The following AKAP13 variants were observed in gnomAD, a reference collection of about 807,000 sequenced individuals.
AKAP13 encodes A-kinase anchoring protein 13, also known as A-kinase anchor protein 13.
Under a neutral mutation model 264.5 loss-of-function variants are expected in AKAP13, and 80 were observed. The observed-to-expected ratio is 0.30, with a 90% confidence interval of 0.25 to 0.36. The LOEUF is 0.36. Among genes scored for constraint, AKAP13 ranks in the 10% least tolerant of loss-of-function variants. The probability of loss-of-function intolerance (pLI) is 1.00; values close to 1 mark genes in which losing one functional copy is unlikely to be tolerated. For missense variants in AKAP13, 3,712 were observed against 3,435.2 expected, an observed-to-expected ratio of 1.08 and a Z score of -2.01; for synonymous variants, 1,380 against 1,250.2, an observed-to-expected ratio of 1.10 and a Z score of -2.19.
At chr15:85,447,855 A>G (rs1301643426) in intron 1 of AKAP13, among the ~76,000 whole-genome samples, 1 of 152,208 alleles carries the variant, frequency 6.6e-6, no homozygotes, top group African/African-American at 2.4e-5. Context: ...TCTTTATGGT[A>G]GAATGATTTA....
chr15:85,553,718 T>A (rs2078042947), intron 5 of AKAP13, among the ~76,000 whole-genome samples: 1 of 152,186 alleles, frequency 6.6e-6, no homozygotes, highest in Non-Finnish European at 1.5e-5. Flanking sequence ...CTGGTACTGG[T>A]CCATGGACTG....
intron 1 of AKAP13, among the ~76,000 whole-genome samples, chr15:85,438,461 A>G (rs2073437240): frequency 6.6e-6 from 1 of 151,280 alleles, no homozygotes; most frequent in Non-Finnish European, 1.5e-5. Flanking sequence ...GAATTGGAAA[A>G]AACTACTTTA....
rs1455429872 is a variant in AKAP13, at chr15:85,719,130, T to C, written c.6056T>C (p.Val2019Ala). The change falls in exon 23 of 37, where the codon GTG becomes GCG. Residue 2019 changes from valine to alanine, a missense_variant. Coordinates refer to ENST00000394518, the MANE Select transcript of AKAP13 (RefSeq NM_007200.5). ...CGCACTCTCAAGATCATGAGTGGTG[T>C]GTACAGCCAGGGGATGATGGCGGAT... ...HVRTLKIMSGVYSQGMMADLL... is the reference protein window; with the variant it reads ...HVRTLKIMSGAYSQGMMADLL... The C allele has an allele frequency of 1.2e-6, 2 of 1,614,136 alleles. No individual in the cohort carries two copies. Among genetic ancestry groups the C allele is most frequent in the South Asian group, 1.1e-5 (1 of 91,086 alleles).
At chr15:85,472,764 C>A (rs1402718773) in intron 1 of AKAP13, among the ~76,000 whole-genome samples, 7 of 152,150 alleles carry the variant, frequency 4.6e-5, no homozygotes, top group African/African-American at 1.7e-4. Context: ...ATAAGGTTGT[C>A]ATGAAAAATA....
chr15:85,588,790 A>G (rs1183966421), intron 8 of AKAP13, among the ~76,000 whole-genome samples: 1 of 152,160 alleles, frequency 6.6e-6, no homozygotes, highest in Non-Finnish European at 1.5e-5. Flanking sequence ...AGGCAGCTGG[A>G]AGAGTTTGAG....
At chr15:85,394,664 G>C (rs570017248) in intron 1 of AKAP13, among the ~76,000 whole-genome samples, 2 of 152,268 alleles carry the variant, frequency 1.3e-5, no homozygotes, top group Middle Eastern at 3.4e-3. Context: ...ACTTGGCAAG[G>C]TTTGTAGTTG....
At chr15:85,530,215 C>T (rs1048843534) in intron 3 of AKAP13, among the ~76,000 whole-genome samples, 3 of 152,172 alleles carry the variant, frequency 2.0e-5, no homozygotes, top group African/African-American at 7.2e-5. Context: ...CTCTCCCTGT[C>T]GTTCGCCCTC....
chr15:85,718,102 A>G lies in AKAP13; in HGVS notation c.5944A>G (p.Ser1982Gly). The G allele has an allele frequency of 1.2e-6, 2 of 1,614,208 alleles. No individual in the cohort carries two copies. Among genetic ancestry groups the G allele is most frequent in the Non-Finnish European group, 1.7e-6 (2 of 1,180,024 alleles). Residue 1982 changes from serine to glycine, a missense_variant, in exon 22 of 37, where the codon AGC becomes GGC. Transcript: ENST00000394518. The surrounding 1 kb of genome is among the most constrained non-coding windows in gnomAD (Gnocchi z 4.9). Reference sequence around the variant, plus strand: ...AGAGTCTTGGAGTCGGATAATAGACAGCAAGTTTCTAAAACAGCAAAAGAA... The same window carrying G: ...AGAGTCTTGGAGTCGGATAATAGACGGCAAGTTTCTAAAACAGCAAAAGAA... ...EAESWSRIID[S>G]KFLKQQKKDV...
intron 1 of AKAP13, among the ~76,000 whole-genome samples, chr15:85,414,971 C>A (rs1360367594): frequency 6.6e-6 from 1 of 152,168 alleles, no homozygotes; most frequent in African/African-American, 2.4e-5. Flanking sequence ...CTAAGTGTAA[C>A]TTCAGAATGT....
intron 1 of AKAP13, among the ~76,000 whole-genome samples, chr15:85,446,489 G>A (rs146540718): frequency 1.3e-5 from 2 of 152,328 alleles, no homozygotes; most frequent in East Asian, 3.9e-4. Flanking sequence ...GGACTAGGAT[G>A]TCTAGCAGGC....
chr15:85,396,143 C>T (rs2071101243), intron 1 of AKAP13, among the ~76,000 whole-genome samples: 1 of 151,980 alleles, frequency 6.6e-6, no homozygotes, highest in African/African-American at 2.4e-5. Flanking sequence ...TTTCTAGCAT[C>T]AGTTTTAGTT....
At chr15:85,437,623 T>C (rs931964526) in intron 1 of AKAP13, among the ~76,000 whole-genome samples, 14 of 152,290 alleles carry the variant, frequency 9.2e-5, no homozygotes, top group African/African-American at 2.6e-4. Context: ...TTATCCGCCA[T>C]GATCAAGTGG....
rs2089375848 is a variant in AKAP13, at chr15:85,746,600, A to T, written c.*1923A>T. On this transcript the variant is annotated 3_prime_UTR_variant, in exon 37 of 37. Transcript: ENST00000394518. ...TACTCACCCTTCAGAAACAGACCAA[A>T]GGCCAAAACCTGCTGATTTTTCTAT... 1 of 152,218 alleles carries T rather than the reference A, an allele frequency of 6.6e-6. No individual in the cohort carries two copies. The highest frequency in any genetic ancestry group is 2.4e-5 in the African/African-American group (1 of 41,450). The allele number at this position is 152,218 out of a possible 1,614,324, so 9.4% of individuals were successfully genotyped here.
chr15:85,580,694 G>T lies in AKAP13; in HGVS notation c.2626G>T (p.Ala876Ser). 2 of 1,614,144 alleles carry T rather than the reference G, an allele frequency of 1.2e-6. No individual in the cohort carries two copies. Among genetic ancestry groups the T allele is most frequent in the Non-Finnish European group, 1.7e-6 (2 of 1,180,018 alleles). Residue 876 changes from alanine (A) to serine (S), a missense_variant, in exon 7 of 37, where the codon GCC (alanine) becomes TCC (serine). Ala to Ser is a moderately conservative substitution (Grantham distance 99, BLOSUM62 1). Transcript: ENST00000394518. Reference protein sequence around the residue: ...TGLGGEHEGPAPPAIPEALNI... With the variant: ...TGLGGEHEGPSPPAIPEALNI... ...ACTTGGTGGAGAGCATGAGGGTCCC[G>T]CCCCTCCAGCAATCCCAGAAGCTCT...
intron 2 of AKAP13, among the ~76,000 whole-genome samples, chr15:85,510,230 C>T (rs561289838): frequency 3.9e-5 from 6 of 152,248 alleles, no homozygotes; most frequent in East Asian, 1.9e-4. Context: ...AGAGAGTATG[C>T]GCCTGCTCGA....
intron 30 of AKAP13, among the ~76,000 whole-genome samples, chr15:85,733,038 C>T (rs1597212960): frequency 6.6e-6 from 1 of 152,254 alleles, no homozygotes; most frequent in Middle Eastern, 3.4e-3. Context: ...TGACCATAGT[C>T]TTTGTTCTGT....
rs1469681981 is a variant in AKAP13, at chr15:85,745,377, T to C, written c.*700T>C. 1 of 151,994 alleles carries C rather than the reference T, an allele frequency of 6.6e-6. No individual in the cohort carries two copies. 9.4% of individuals were successfully genotyped at this position (151,994 alleles called of 1,614,324 possible). ...GGCTTGATGTGTATAAAAGACGTGA[T>C]GTGCACCACCTCGATCTCGGTGTTT... On this transcript the variant is annotated 3_prime_UTR_variant, in exon 37 of 37. Transcript: ENST00000394518.
Position 85,702,782 on chromosome 15 carries a change from C to G in AKAP13, c.5465-5237C>G, listed in dbSNP as rs1172358154. 2.6e-5 allele frequency: 4 copies of G among 152,324 alleles called. No homozygotes were observed. In the East Asian group the frequency reaches 7.7e-4, roughly 29 times the overall value. 9.4% of individuals were successfully genotyped at this position (152,324 alleles called of 1,614,324 possible). ...TTGCTTTAGGATTAGGTGACTTTAA[C>G]AGGGTTAATAGAGGAATGTCTTTTC... On this transcript the variant is annotated intron_variant, in intron 17 of 36. Transcript: ENST00000394518.
intron 9 of AKAP13, 21 bp downstream of exon 9, chr15:85,639,470 CA>C: frequency 6.3e-7 from 1 of 1,585,900 alleles, no homozygotes; most frequent in Non-Finnish European, 8.7e-7. Flanking sequence ...ATTATCCATT[CA>C]TTTTCTGGAG....
Sources: gnomAD v4.1 joint callset for allele counts (sites outside exome capture counted in the v4.1 genomes callset) on GRCh38, gnomAD v4.1.1 for gene constraint, Gnocchi (gnomAD v3.1) non-coding constraint, MANE v1.5 for transcripts, NCBI Gene and HGNC (gene_info 2026-07-23, HGNC 2026-07-21) for gene names.